FBXL2: variants seen among roughly 807,000 people sequenced by gnomAD.
FBXL2 encodes F-box/LRR-repeat protein 2.
In FBXL2, 38 loss-of-function variants were observed where a neutral mutation model predicts 69.2. The observed-to-expected ratio is 0.55, with a 90% CI of 0.42 to 0.72. The LOEUF (loss-of-function observed/expected upper bound fraction) is 0.72. Ranked by LOEUF, FBXL2 falls within the 30% of genes least tolerant of loss-of-function variation. The pLI, the probability that FBXL2 is intolerant of heterozygous loss-of-function variation, is 0.00. For missense variants in FBXL2, 354 were observed against 520.3 expected (o/e 0.68, Z 3.11); for synonymous variants, 192 against 201.3 (o/e 0.95, Z 0.39).
chr3:33,277,385 A>G (rs2033375177), upstream of FBXL2: 21 of 1,034,002 alleles, frequency 2.0e-5, no homozygotes, highest in Non-Finnish European at 2.5e-5. Flanking sequence ...GTGCTCGCCG[A>G]CCACCAATGG....
In FBXL2 at chr3:33,364,678, C is replaced by T; in HGVS notation, c.249C>T (p.Leu83=). 6.2e-7 allele frequency: 1 copy of T among 1,614,180 alleles called. No individual in the cohort carries two copies. The highest frequency in any genetic ancestry group is 8.5e-7 in the Non-Finnish European group (1 of 1,180,032). ...SKRCGGFLRK[L]SLRGCIGVGD... ...GATGCGGTGGATTCCTGAGGAAGCT[C>T]AGCTTGCGAGGCTGCATTGGTGTTG... Residue 83 remains leucine (L), a synonymous_variant, in exon 5 of 15, where the codon CTC becomes CTT. Transcript: ENST00000484457.
chr3:33,403,486 C>CTCTATCTATCTA lies in FBXL2; in HGVS notation n.1483_1494dup, dbSNP rs149670278. 129 of 98,466 alleles carry CTCTATCTATCTA rather than the reference C, an allele frequency of 1.3e-3. 1 individual carries two copies. Among genetic ancestry groups the CTCTATCTATCTA allele is most frequent in the Middle Eastern group, 0.011 (2 of 176 alleles). 6.1% of individuals were successfully genotyped at this position (98,466 alleles called of 1,614,324 possible). A position where few individuals can be genotyped will look rare whatever the true frequency, so the allele number is the denominator to read the frequency against. On this transcript the variant is annotated non_coding_transcript_exon_variant, in exon 13 of 13. Coordinates refer to the FBXL2 transcript ENST00000463736. ...CAACTGTGTACAGTACTACATCTAT[C>CTCTATCTATCTA]TCTATCTATCTATCTATCTATCTAT...
chr3:33,416,817 G>A, the FBXL2 span: 1 of 1,613,314 alleles, frequency 6.2e-7, no homozygotes, highest in Admixed American at 1.7e-5. Context: ...TCCAGCATCC[G>A]AATTTCATAT....
intron 9 of FBXL2, 82 bp downstream of exon 9, chr3:33,374,003 C>A (rs1350082375): frequency 2.3e-6 from 3 of 1,326,514 alleles, no homozygotes; most frequent in Non-Finnish European, 3.3e-6. Flanking sequence ...CTGCAGCCCC[C>A]TAGGCACCTG....
At chr3:33,293,897 T>A (rs1233217059) in intron 1 of FBXL2, among the ~76,000 whole-genome samples, 1 of 152,166 alleles carries the variant, frequency 6.6e-6, no homozygotes, top group Non-Finnish European at 1.5e-5. Context: ...GTAGAACACT[T>A]AACCCAATCA....
At chr3:33,360,205 T>C (rs1017816609) in intron 4 of FBXL2, among the ~76,000 whole-genome samples, 1 of 152,168 alleles carries the variant, frequency 6.6e-6, no homozygotes, top group Non-Finnish European at 1.5e-5. Context: ...TTTACCAAGA[T>C]GTATATATTG....
intron 2 of FBXL2, among the ~76,000 whole-genome samples, chr3:33,316,849 A>C (rs1464938646): frequency 6.6e-6 from 1 of 152,150 alleles, no homozygotes; most frequent in African/African-American, 2.4e-5. Flanking sequence ...AAACATTTTC[A>C]AACATGTAAC....
At chr3:33,334,855 T>G (rs1575233384) in intron 2 of FBXL2, among the ~76,000 whole-genome samples, 1 of 151,722 alleles carries the variant, frequency 6.6e-6, no homozygotes, top group South Asian at 2.1e-4. Flanking sequence ...CTGAGGCAGG[T>G]GGAATGTTTG....
At chr3:33,383,723 C>A in intron 13 of FBXL2, 1 of 438,850 alleles carries the variant, frequency 2.3e-6, no homozygotes, top group Non-Finnish European at 4.2e-6. Context: ...ACCAAAGGGC[C>A]CCAAGGCTTT....
intron 2 of FBXL2, among the ~76,000 whole-genome samples, chr3:33,343,385 A>G (rs553063984): frequency 0.074 from 11,281 of 152,140 alleles, 609 homozygotes; most frequent in Non-Finnish European, 0.12. Context: ...CCCCAACTGA[A>G]ACTTCAGCCT....
At chr3:33,318,804 T>C (rs1270374150) in intron 2 of FBXL2, among the ~76,000 whole-genome samples, 2 of 152,216 alleles carry the variant, frequency 1.3e-5, no homozygotes, top group Non-Finnish European at 2.9e-5. Context: ...AGGGCAATCC[T>C]CCTCTCTGTA....
At chr3:33,411,536 T>G in the FBXL2 span, 2 of 1,539,962 alleles carry the variant, frequency 1.3e-6, no homozygotes, top group Non-Finnish European at 1.8e-6. Flanking sequence ...TACCATGACC[T>G]AAATAACTAG....
In FBXL2 at chr3:33,317,934, T is replaced by G. The variant is rs796128985; in HGVS notation, c.65+20209T>G. 2.4e-4 allele frequency among the ~76,000 whole-genome samples: 36 copies of G among 152,324 alleles called. 1 individual carries two copies. The highest frequency in any genetic ancestry group is 7.9e-4 in the African/African-American group (33 of 41,580). The stretch of plus-strand genomic sequence containing the variant: ...GGATTAGGGATACTCAGCCCATACT[T>G]ATTTCACAGCCATTTCTTACCTGTG... On this transcript the variant is annotated intron_variant, in intron 2 of 14. Coordinates refer to ENST00000484457, the MANE Select transcript of FBXL2 (RefSeq NM_012157.5).
intron 2 of FBXL2, among the ~76,000 whole-genome samples, chr3:33,338,373 C>G (rs1399637622): frequency 2.0e-5 from 3 of 152,042 alleles, no homozygotes; most frequent in Non-Finnish European, 4.4e-5. Flanking sequence ...GATCACGCCA[C>G]TGCACTCCAG....
In FBXL2 at chr3:33,342,340, A is replaced by G. The variant is rs1329437069; in HGVS notation, c.66-16627A>G. ...TCTTTATATCCATTATATTGCTAAT[A>G]GGAAGATTTAAAATATATATATATT... On this transcript the variant is annotated intron_variant, in intron 2 of 14. Transcript: ENST00000484457. 1.9e-4 allele frequency among the ~76,000 whole-genome samples: 28 copies of G among 151,322 alleles called. 1 individual carries two copies. The highest frequency in any genetic ancestry group is 1.8e-3 in the Admixed American group (28 of 15,206).
intron 5 of FBXL2, among the ~76,000 whole-genome samples, chr3:33,371,436 G>A (rs1337600446): frequency 6.6e-6 from 1 of 151,370 alleles, no homozygotes; most frequent in Non-Finnish European, 1.5e-5. Flanking sequence ...TTCCCAAAGT[G>A]CTGGGATTAC....
In FBXL2 at chr3:33,386,943, TC is replaced by T. The variant is rs1341987308; in HGVS notation, c.*1338del. 2 of 152,176 alleles carry T rather than the reference TC, an allele frequency of 1.3e-5. No individual in the cohort carries two copies. Among genetic ancestry groups the T allele is most frequent in the African/African-American group, 4.8e-5 (2 of 41,442 alleles). 9.4% of individuals were successfully genotyped at this position (152,176 alleles called of 1,614,324 possible). A position where few individuals can be genotyped will look rare whatever the true frequency, so the allele number is the denominator to read the frequency against. On this transcript the variant is annotated 3_prime_UTR_variant, in exon 15 of 15. Coordinates refer to ENST00000484457, the MANE Select transcript of FBXL2 (RefSeq NM_012157.5). Reference sequence around the variant, plus strand: ...GTGAAACGGCAAAAGCAAGATGTGTTCCCATGACTACCAATACCTTTATTAG... The same window carrying T: ...GTGAAACGGCAAAAGCAAGATGTGTTCCATGACTACCAATACCTTTATTAG...
intron 5 of FBXL2, among the ~76,000 whole-genome samples, chr3:33,367,816 G>A (rs1352886790): frequency 6.6e-6 from 1 of 151,842 alleles, no homozygotes; most frequent in Non-Finnish European, 1.5e-5. Context: ...GAAGTCATTG[G>A]TTTGAGACCT....
At chr3:33,342,847 C>T (rs1274229082) in intron 2 of FBXL2, among the ~76,000 whole-genome samples, 2 of 146,792 alleles carry the variant, frequency 1.4e-5, no homozygotes, top group Admixed American at 6.8e-5. Context: ...CTCAGCCTCC[C>T]GAGTAGCGTA....
Sources: gnomAD v4.1 joint callset for allele counts (sites outside exome capture counted in the v4.1 genomes callset) on GRCh38, gnomAD v4.1.1 for gene constraint, MANE v1.5 for transcripts, NCBI Gene and HGNC (gene_info 2026-07-23, HGNC 2026-07-21) for gene names.